Variants in PARD3 observed in about 807,000 individuals in gnomAD.
PARD3 encodes the protein partitioning defective 3 homolog.
A neutral mutation model predicts 155.4 loss-of-function variants in PARD3; 75 were observed. The observed-to-expected ratio is 0.48, with a 90% CI of 0.40 to 0.58. PARD3 has a LOEUF of 0.58. PARD3 is among the 20% of genes least tolerant of loss of function. The probability of loss-of-function intolerance (pLI) is 0.00; values close to 1 mark genes in which losing one functional copy is unlikely to be tolerated. For missense variants in PARD3, 1,642 were observed against 1,721.7 expected (o/e 0.95, Z 0.82); for synonymous variants, 576 against 610.5 (o/e 0.94, Z 0.83).
chr10:34,368,657 G>A (rs1178719673), intron 12 of PARD3, among the ~76,000 whole-genome samples: 1 of 151,634 alleles, frequency 6.6e-6, no homozygotes, highest in Non-Finnish European at 1.5e-5. Context: ...GGAAGACAGA[G>A]CGAGACTCCA....
At chr10:34,428,010 G>A (rs1269133889) in intron 5 of PARD3, among the ~76,000 whole-genome samples, 1 of 152,100 alleles carries the variant, frequency 6.6e-6, no homozygotes, top group Non-Finnish European at 1.5e-5. Context: ...GAGAGAGAAG[G>A]CCGGTAGACC....
rs563241114 is a variant in PARD3, at chr10:34,642,254, CCT to C, written c.222+54062_222+54063del. 1.6e-3 allele frequency among the ~76,000 whole-genome samples: 239 copies of C among 152,214 alleles called. 1 individual carries two copies. The highest frequency in any genetic ancestry group is 2.9e-3 in the Non-Finnish European group (194 of 67,998). Reference sequence around the variant, plus strand: ...TTGCTGCTTCTGTACTCTCCACCTCCCTCTCTCCACTCAATCCTTCCAACTAC... The same window carrying C: ...TTGCTGCTTCTGTACTCTCCACCTCCCTCTCCACTCAATCCTTCCAACTAC... On this transcript the variant is annotated intron_variant, in intron 2 of 24. Coordinates refer to ENST00000374788, the MANE Select transcript of PARD3 (RefSeq NM_001184785.2).
chr10:34,317,462 A>G, intron 19 of PARD3, 124 bp from the exon 20 acceptor site: 1 of 898,028 alleles, frequency 1.1e-6, no homozygotes, highest in Non-Finnish European at 1.6e-6. Context: ...TGCTAGCAAC[A>G]TGGACTGCAA....
chr10:34,167,978 G>T (rs1309675329), intron 22 of PARD3, among the ~76,000 whole-genome samples: 2 of 152,088 alleles, frequency 1.3e-5, no homozygotes, highest in African/African-American at 4.8e-5. Context: ...TGTTCCCAGG[G>T]GTGCAAGAGG....
intron 2 of PARD3, among the ~76,000 whole-genome samples, chr10:34,626,749 T>C (rs2091997644): frequency 6.6e-6 from 1 of 152,176 alleles, no homozygotes; most frequent in African/African-American, 2.4e-5. Context: ...TCTAACACAG[T>C]TGCACATACT....
chr10:34,671,609 A>G (rs1241031155), intron 2 of PARD3, among the ~76,000 whole-genome samples: 1 of 152,212 alleles, frequency 6.6e-6, no homozygotes, highest in Non-Finnish European at 1.5e-5. Context: ...ATCACCATAC[A>G]AGGCTACAAG....
At chr10:34,604,730 T>C (rs2090083749) in intron 2 of PARD3, among the ~76,000 whole-genome samples, 1 of 151,322 alleles carries the variant, frequency 6.6e-6, no homozygotes, top group Non-Finnish European at 1.5e-5. Context: ...TATTGAACTA[T>C]AAGCAACAAA....
rs1842553942 is a variant in PARD3, at chr10:34,388,384, A to ATGG, written c.891-4131_891-4130insCCA. ...AAAAAGTCACAAGAAAATCCAACTG[A>ATGG]TAACAGCTAGACTGAGAATGAAAAG... is the stretch of plus-strand genomic sequence containing the variant. On this transcript the variant is annotated intron_variant, in intron 7 of 24. Coordinates refer to ENST00000374788, the MANE Select transcript of PARD3 (RefSeq NM_001184785.2). Among the ~76,000 whole-genome samples the ATGG allele has an allele frequency of 2.6e-5, 4 of 152,338 alleles. No homozygotes were observed. The South Asian group carries it at 8.3e-4, about 32-fold the overall frequency.
chr10:34,231,863 T>C (rs1206208419), intron 22 of PARD3, among the ~76,000 whole-genome samples: 6 of 152,036 alleles, frequency 3.9e-5, no homozygotes, highest in Non-Finnish European at 8.8e-5. Flanking sequence ...GTGTGGCCTG[T>C]TGATAGTAAA....
At chr10:34,113,736 C>G (rs1168142929) in intron 24 of PARD3, among the ~76,000 whole-genome samples, 3 of 152,114 alleles carry the variant, frequency 2.0e-5, no homozygotes, top group Non-Finnish European at 4.4e-5. Flanking sequence ...GATTCAAATC[C>G]TGAGCCTGCC....
chr10:34,488,001 A>G (rs2079587084), intron 3 of PARD3, among the ~76,000 whole-genome samples: 1 of 152,090 alleles, frequency 6.6e-6, no homozygotes, highest in Admixed American at 6.6e-5. Context: ...TTATTCCCCC[A>G]TTTCTTTATT....
intron 2 of PARD3, among the ~76,000 whole-genome samples, chr10:34,632,834 C>T (rs745854011): frequency 2.6e-5 from 4 of 152,148 alleles, no homozygotes; most frequent in African/African-American, 4.8e-5. Flanking sequence ...ATTATCATTC[C>T]GATTGTGATT....
intron 5 of PARD3, among the ~76,000 whole-genome samples, chr10:34,427,965 G>A (rs965646686): frequency 6.6e-6 from 1 of 152,154 alleles, no homozygotes; most frequent in Admixed American, 6.5e-5. Flanking sequence ...GGACAGTGAA[G>A]TGGAATATGT....
At chr10:34,700,953 C>G (rs569845473) in intron 1 of PARD3, among the ~76,000 whole-genome samples, 1 of 152,176 alleles carries the variant, frequency 6.6e-6, no homozygotes, top group East Asian at 1.9e-4. Flanking sequence ...CCAGCCTGAG[C>G]AACAGAGTGA....
chr10:34,575,014 A>C (rs916078293), intron 2 of PARD3, among the ~76,000 whole-genome samples: 1 of 152,094 alleles, frequency 6.6e-6, no homozygotes. Context: ...CCTTAAAGAG[A>C]CAGGGTCCTA....
chr10:34,291,313 G>C (rs1352482654), intron 20 of PARD3, among the ~76,000 whole-genome samples: 1 of 152,196 alleles, frequency 6.6e-6, no homozygotes, highest in Non-Finnish European at 1.5e-5. Flanking sequence ...CAAGGGTTCA[G>C]TTCAGCTTGT....
In PARD3 at chr10:34,269,760, C is replaced by A; in HGVS notation, c.3316G>T (p.Ala1106Ser). Residue 1106 changes from alanine (A) to serine (S), a missense_variant, in exon 22 of 25, where the codon GCT becomes TCT. Coordinates refer to ENST00000374788, the MANE Select transcript of PARD3 (RefSeq NM_001184785.2). Reference protein sequence around the residue: ...GGVSSYEGSMALNARPQSPRE... With the variant: ...GGVSSYEGSMSLNARPQSPRE... ...GGGCTCTGAGGTCTAGCGTTGAGAGCCATGGAACCTTCATAAGAAGAAACT... is the reference window on the plus strand; with the variant it reads ...GGGCTCTGAGGTCTAGCGTTGAGAGACATGGAACCTTCATAAGAAGAAACT... The A allele has an allele frequency of 6.2e-7, 1 of 1,613,964 alleles. No homozygotes were observed. The highest frequency in any genetic ancestry group is 8.5e-7 in the Non-Finnish European group (1 of 1,179,966).
intron 22 of PARD3, among the ~76,000 whole-genome samples, chr10:34,227,839 G>A (rs1170718876): frequency 1.3e-5 from 1 of 76,882 alleles, no homozygotes; most frequent in African/African-American, 5.7e-5. Context: ...TATATTCCCA[G>A]TAATGGGAAT....
chr10:34,786,590 A>C (rs1234257911), intron 1 of PARD3, among the ~76,000 whole-genome samples: 4 of 152,230 alleles, frequency 2.6e-5, no homozygotes, highest in Non-Finnish European at 5.9e-5. Context: ...AAGTAACCAC[A>C]GACCCAGGCA....
Sources: allele counts gnomAD v4.1 joint callset (sites outside exome capture counted in the v4.1 genomes callset), GRCh38; gene constraint gnomAD v4.1.1; transcripts MANE v1.5; gene names NCBI Gene and HGNC (gene_info 2026-07-23, HGNC 2026-07-21).